Variants in PTPRM observed in about 807,000 individuals in gnomAD.
The protein encoded by PTPRM is protein tyrosine phosphatase receptor type M.
PTPRM carries 47 observed loss-of-function variants against 186.7 expected under a neutral mutation model. That is an observed-to-expected ratio of 0.25 (90% CI 0.20 to 0.32). PTPRM has a LOEUF of 0.32. PTPRM is among the 10% of genes least tolerant of loss of function. The pLI, the probability that PTPRM is intolerant of heterozygous loss-of-function variation, is 1.00. For synonymous variants in PTPRM, 668 were observed against 674.9 expected (o/e 0.99, Z 0.16); for missense variants, 1,494 against 1,865.0 (o/e 0.80, Z 3.66).
intron 2 of PTPRM, among the ~76,000 whole-genome samples, chr18:7,851,249 A>C (rs886965467): frequency 1.3e-5 from 2 of 152,222 alleles, no homozygotes; most frequent in Non-Finnish European, 2.9e-5. Context: ...ACATAATTGG[A>C]GTATCTTCAG....
At chr18:8,100,073 A>C (rs1568340320) in intron 11 of PTPRM, among the ~76,000 whole-genome samples, 1 of 152,180 alleles carries the variant, frequency 6.6e-6, no homozygotes, top group Non-Finnish European at 1.5e-5. Context: ...GGAAGAAGGC[A>C]TGTCACATGG....
At position 7,568,585 on chromosome 18, in the gene PTPRM, G is replaced by C. The variant is rs1342610559; in HGVS notation, c.73+694G>C. On this transcript the variant is annotated intron_variant, in intron 1 of 32. Transcript: ENST00000580170. The surrounding 1 kb of genome is among the most constrained non-coding windows in gnomAD (Gnocchi z 5.1). Reference sequence around the variant, plus strand: ...TGGCCACGGCCCTGCGCCCCGCTGGGCTCCCCCTCCCCACCCTCGTCCCCC... The same window carrying C: ...TGGCCACGGCCCTGCGCCCCGCTGGCCTCCCCCTCCCCACCCTCGTCCCCC... Among the ~76,000 whole-genome samples, 1 of 152,180 alleles carries C rather than the reference G, an allele frequency of 6.6e-6. No individual in the cohort carries two copies. Among genetic ancestry groups the C allele is most frequent in the African/African-American group, 2.4e-5 (1 of 41,446 alleles).
At chr18:8,140,765 C>G (rs2092748701) in intron 13 of PTPRM, among the ~76,000 whole-genome samples, 1 of 152,018 alleles carries the variant, frequency 6.6e-6, no homozygotes, top group Admixed American at 6.6e-5. Context: ...ACACTGCTGT[C>G]CTAACAGAAT....
chr18:7,745,248 A>C (rs903700912), intron 1 of PTPRM, among the ~76,000 whole-genome samples: 1 of 152,220 alleles, frequency 6.6e-6, no homozygotes, highest in Non-Finnish European at 1.5e-5. Flanking sequence ...TGCTAAGAAC[A>C]ATCAGAAAAC....
At chr18:8,397,781 T>G (rs964491480) in intron 32 of PTPRM, among the ~76,000 whole-genome samples, 1 of 152,222 alleles carries the variant, frequency 6.6e-6, no homozygotes, top group Admixed American at 6.5e-5. Flanking sequence ...CTCTCACTTT[T>G]GCCTTCCTTA....
At chr18:8,144,838 G>T (rs2092844271) in intron 14 of PTPRM, among the ~76,000 whole-genome samples, 1 of 152,160 alleles carries the variant, frequency 6.6e-6, no homozygotes, top group Non-Finnish European at 1.5e-5. Context: ...CAAATTGAGG[G>T]AATATGTGGA....
chr18:7,694,771 G>A (rs2039808596), intron 1 of PTPRM, among the ~76,000 whole-genome samples: 1 of 152,136 alleles, frequency 6.6e-6, no homozygotes, highest in South Asian at 2.1e-4. Context: ...GAAGGACCAA[G>A]ATATAAGAAT....
chr18:7,807,955 C>T (rs1219921299), intron 2 of PTPRM, among the ~76,000 whole-genome samples: 1 of 152,088 alleles, frequency 6.6e-6, no homozygotes, highest in African/African-American at 2.4e-5. Flanking sequence ...TCCTCGGATT[C>T]GTGGCTCTTT....
At position 8,082,468 on chromosome 18, in the gene PTPRM, A is replaced by ACCCT. The variant is rs1183940454; in HGVS notation, c.1552-3188_1552-3185dup. Reference sequence around the variant, plus strand: ...GTCCCAGTCTCATCTTTGGAAACCAACCCTCCCTCCCTCCCTCCTTTTCTC... The same window carrying ACCCT: ...GTCCCAGTCTCATCTTTGGAAACCAACCCTCCCTCCCTCCCTCCCTCCTTTTCTC... On this transcript the variant is annotated intron_variant, in intron 9 of 32. Transcript: ENST00000580170. Among the ~76,000 whole-genome samples, 6 of 136,740 alleles carry ACCCT rather than the reference A, an allele frequency of 4.4e-5. No individual in the cohort carries two copies. In the East Asian group the frequency reaches 7.4e-4, roughly 17 times the overall value. The allele number at this position is 136,740 out of a possible 152,430, so 89.7% of individuals were successfully genotyped here.
At chr18:7,626,335 T>C (rs1458158377) in intron 1 of PTPRM, among the ~76,000 whole-genome samples, 1 of 152,214 alleles carries the variant, frequency 6.6e-6, no homozygotes, top group East Asian at 1.9e-4. Flanking sequence ...TTTAATGATC[T>C]TTGGACTTTA....
chr18:7,915,427 C>CA (rs1275279973), intron 4 of PTPRM, among the ~76,000 whole-genome samples: 1 of 152,068 alleles, frequency 6.6e-6, no homozygotes, highest in Non-Finnish European at 1.5e-5. Flanking sequence ...CCTGATGTTA[C>CA]AATTAAAGTA....
chr18:8,326,394 A>G (rs1159631758), intron 22 of PTPRM, among the ~76,000 whole-genome samples: 1 of 152,244 alleles, frequency 6.6e-6, no homozygotes, highest in South Asian at 2.1e-4. Context: ...TATTCCTATC[A>G]AACTACCAAT....
At chr18:7,714,468 A>G (rs779847807) in intron 1 of PTPRM, among the ~76,000 whole-genome samples, 1 of 152,200 alleles carries the variant, frequency 6.6e-6, no homozygotes, top group African/African-American at 2.4e-5. Context: ...CTAGAGAAGC[A>G]ACAGCAAATA....
At chr18:7,673,581 G>T (rs1262792130) in intron 1 of PTPRM, among the ~76,000 whole-genome samples, 1 of 152,130 alleles carries the variant, frequency 6.6e-6, no homozygotes, top group Non-Finnish European at 1.5e-5. Flanking sequence ...TGAAAAAGAT[G>T]AGAGAAAAAG....
intron 14 of PTPRM, among the ~76,000 whole-genome samples, chr18:8,186,917 G>A (rs1330200038): frequency 1.3e-5 from 2 of 151,510 alleles, no homozygotes; most frequent in African/African-American, 4.8e-5. Context: ...ACTTAGAGTG[G>A]GCAAGGAGGG....
chr18:8,397,268 G>T (rs1230757762), intron 32 of PTPRM, among the ~76,000 whole-genome samples: 1 of 152,332 alleles, frequency 6.6e-6, no homozygotes, highest in Admixed American at 6.5e-5. Context: ...AAATGCTACC[G>T]CTCTACCCTC....
rs756680864 is a variant in PTPRM at position 8,376,519 on chromosome 18, C to T, written c.3384C>T (p.Ala1128=). ...FIVIDIMLDM[A]EREGVVDIYN... is the part of the protein sequence containing the mutation. Reference sequence around the variant, plus strand: ...TCATTGATATCATGTTGGACATGGCCGAAAGGGAAGGGGTCGTAGACATCT... The same window carrying T: ...TCATTGATATCATGTTGGACATGGCTGAAAGGGAAGGGGTCGTAGACATCT... Residue 1128 remains alanine (A), a synonymous_variant, in exon 26 of 33, where the codon GCC becomes GCT. Transcript: ENST00000580170. 30 of 1,613,886 alleles carry T rather than the reference C, an allele frequency of 1.9e-5. No homozygotes were observed. The highest frequency in any genetic ancestry group is 2.7e-5 in the African/African-American group (2 of 74,924).
intron 7 of PTPRM, among the ~76,000 whole-genome samples, chr18:8,056,395 G>A (rs529698071): frequency 1.6e-4 from 24 of 152,252 alleles, no homozygotes; most frequent in African/African-American, 5.3e-4. Context: ...TTGGGAGGCC[G>A]AGGCAGGTGG....
At chr18:8,378,441 T>G in intron 27 of PTPRM, 27 bp downstream of exon 27, 1 of 1,610,266 alleles carries the variant, frequency 6.2e-7, no homozygotes, top group Non-Finnish European at 8.5e-7. Context: ...GGAGGGGCAC[T>G]GCACGGTGAC....
Sources: gnomAD v4.1 joint callset for allele counts (sites outside exome capture counted in the v4.1 genomes callset) on GRCh38, gnomAD v4.1.1 for gene constraint, Gnocchi (gnomAD v3.1) non-coding constraint, MANE v1.5 for transcripts, NCBI Gene and HGNC (gene_info 2026-07-23, HGNC 2026-07-21) for gene names.